Variants in SLX4IP observed in about 807,000 individuals in gnomAD.
SLX4IP encodes the protein protein SLX4IP.
SLX4IP carries 34 observed loss-of-function variants against 32.9 expected under a neutral mutation model. The observed-to-expected ratio is 1.03, with a 90% CI of 0.79 to 1.38. SLX4IP has a LOEUF of 1.38. Among genes scored for constraint, SLX4IP ranks in the 40% most tolerant of loss-of-function variants. The probability of loss-of-function intolerance (pLI) is 0.00; values close to 1 mark genes in which losing one functional copy is unlikely to be tolerated. For missense variants in SLX4IP, 444 were observed against 479.0 expected (o/e 0.93, Z 0.68); for synonymous variants, 172 against 171.7 (o/e 1.00, Z -0.01).
chr20:10,577,445 G>C (rs559403798), intron 4 of SLX4IP, among the ~76,000 whole-genome samples: 2 of 152,270 alleles, frequency 1.3e-5, no homozygotes, highest in East Asian at 1.9e-4. Flanking sequence ...GGCCTGGCAT[G>C]ATGGCTCACT....
chr20:10,602,048 A>G (rs1028812415), intron 6 of SLX4IP, among the ~76,000 whole-genome samples: 1 of 152,184 alleles, frequency 6.6e-6, no homozygotes, highest in African/African-American at 2.4e-5. Flanking sequence ...TTCCATATCA[A>G]CTGTAAATGA....
intron 4 of SLX4IP, among the ~76,000 whole-genome samples, chr20:10,574,011 C>G (rs1271319353): frequency 6.6e-6 from 1 of 152,118 alleles, no homozygotes; most frequent in Non-Finnish European, 1.5e-5. Context: ...ATACTTTTTA[C>G]CAAAAGTGTG....
chr20:10,576,107 T>C (rs559293490), intron 4 of SLX4IP, among the ~76,000 whole-genome samples: 3 of 152,328 alleles, frequency 2.0e-5, no homozygotes, highest in South Asian at 4.1e-4. Flanking sequence ...TTATTCTAAT[T>C]ATTTGGAATA....
At chr20:10,596,512 A>C (rs1310576594) in intron 4 of SLX4IP, among the ~76,000 whole-genome samples, 2 of 152,184 alleles carry the variant, frequency 1.3e-5, no homozygotes, top group African/African-American at 2.4e-5. Flanking sequence ...TACAGGCATG[A>C]GCACCACACT....
chr20:10,588,815 G>A (rs1225368572), intron 4 of SLX4IP, among the ~76,000 whole-genome samples: 2 of 152,226 alleles, frequency 1.3e-5, no homozygotes, highest in East Asian at 3.9e-4. Flanking sequence ...TTGGTCAAAG[G>A]ACACAAACTA....
At chr20:10,583,124 T>C (rs951371797) in intron 4 of SLX4IP, among the ~76,000 whole-genome samples, 44 of 152,354 alleles carry the variant, frequency 2.9e-4, no homozygotes, top group African/African-American at 1.0e-3. Flanking sequence ...ATAGCCAATG[T>C]TATTTCATTT....
chr20:10,457,539 T>A (rs564467104), intron 1 of SLX4IP, among the ~76,000 whole-genome samples: 17 of 152,108 alleles, frequency 1.1e-4, no homozygotes, highest in Admixed American at 9.8e-4. Flanking sequence ...AAACTATCCT[T>A]GCATTCTTGG....
chr20:10,491,624 A>G (rs1361549433), intron 2 of SLX4IP, among the ~76,000 whole-genome samples: 1 of 152,184 alleles, frequency 6.6e-6, no homozygotes, highest in Non-Finnish European at 1.5e-5. Context: ...TTTTAATTCC[A>G]AAAGTGATTC....
chr20:10,595,832 TCG>T (rs1254645488), intron 4 of SLX4IP, among the ~76,000 whole-genome samples: 2 of 152,214 alleles, frequency 1.3e-5, no homozygotes, highest in African/African-American at 4.8e-5. Context: ...ATATGACCAG[TCG>T]AATTTGGATT....
At chr20:10,466,289 T>C (rs1223445923) in intron 2 of SLX4IP, among the ~76,000 whole-genome samples, 1 of 152,234 alleles carries the variant, frequency 6.6e-6, no homozygotes, top group Non-Finnish European at 1.5e-5. Flanking sequence ...ATTTAAATTT[T>C]GGGTCCCAGC....
At chr20:10,447,643 T>C (rs966757800) in intron 1 of SLX4IP, among the ~76,000 whole-genome samples, 1 of 152,108 alleles carries the variant, frequency 6.6e-6, no homozygotes, top group Non-Finnish European at 1.5e-5. Flanking sequence ...AGATTTCTAA[T>C]GTTACCTTTT....
At chr20:10,468,665 T>C (rs1314968798) in intron 2 of SLX4IP, among the ~76,000 whole-genome samples, 1 of 152,200 alleles carries the variant, frequency 6.6e-6, no homozygotes, top group East Asian at 1.9e-4. Context: ...TTCAGCTTTT[T>C]CCAAGCTTGA....
In SLX4IP at chr20:10,624,749, T is replaced by C. The variant is rs1007804170; in HGVS notation, c.*1370T>C. On this transcript the variant is annotated 3_prime_UTR_variant, in exon 8 of 8. Transcript: ENST00000334534. ...TCATGCTTGAGATGGATTAGTGGTT[T>C]ATTCCATCCCGTTCTATCCTTTCCC... The C allele has an allele frequency of 6.6e-6, 1 of 152,170 alleles. No homozygotes were observed. Among genetic ancestry groups the C allele is most frequent in the Admixed American group, 6.5e-5 (1 of 15,274 alleles). 9.4% of individuals were successfully genotyped at this position (152,170 alleles called of 1,614,324 possible).
intron 2 of SLX4IP, among the ~76,000 whole-genome samples, chr20:10,497,557 T>C (rs967014342): frequency 6.6e-6 from 1 of 152,180 alleles, no homozygotes; most frequent in African/African-American, 2.4e-5. Flanking sequence ...ACTTTATTTC[T>C]GCCCTATTAC....
chr20:10,503,918 AC>A (rs2065738658), intron 2 of SLX4IP, among the ~76,000 whole-genome samples: 2 of 152,188 alleles, frequency 1.3e-5, no homozygotes, highest in South Asian at 4.1e-4. Context: ...TTAAAGATCT[AC>A]CCTAATGAGC....
chr20:10,608,667 C>A (rs1490061900), intron 6 of SLX4IP, among the ~76,000 whole-genome samples: 2 of 126,556 alleles, frequency 1.6e-5, no homozygotes, highest in Non-Finnish European at 1.6e-5. Context: ...GAGCAATACT[C>A]TGTCTCAAAA....
At chr20:10,459,722 T>C (rs540027439) in intron 2 of SLX4IP, among the ~76,000 whole-genome samples, 1 of 152,304 alleles carries the variant, frequency 6.6e-6, no homozygotes, top group East Asian at 1.9e-4. Context: ...CTCTTATAAA[T>C]GTCCCTTGTT....
chr20:10,447,501 A>C (rs8125436), intron 1 of SLX4IP, among the ~76,000 whole-genome samples: 3,341 of 152,180 alleles, frequency 0.022, 111 homozygotes, highest in African/African-American at 0.076. Flanking sequence ...GTGGGATGCT[A>C]GTTTAAATGA....
At chr20:10,599,657 A>T (rs919411056) in intron 5 of SLX4IP, among the ~76,000 whole-genome samples, 1 of 151,568 alleles carries the variant, frequency 6.6e-6, no homozygotes, top group African/African-American at 2.4e-5. Context: ...TTGGCCTCCT[A>T]AGGTGCTGGG....
Sources: allele counts gnomAD v4.1 joint callset (sites outside exome capture counted in the v4.1 genomes callset), GRCh38; gene constraint gnomAD v4.1.1; transcripts MANE v1.5; gene names NCBI Gene and HGNC (gene_info 2026-07-23, HGNC 2026-07-21).